FILIP1L: variants seen among roughly 807,000 people sequenced by gnomAD.
FILIP1L encodes filamin A-interacting protein 1-like.
FILIP1L carries 55 observed loss-of-function variants against 96.6 expected under a neutral mutation model. The observed-to-expected ratio is 0.57, with a 90% confidence interval of 0.46 to 0.71. The LOEUF is 0.71. FILIP1L is among the 30% of genes least tolerant of loss of function. The pLI is 0.00. For synonymous variants in FILIP1L, 467 were observed against 473.9 expected (o/e 0.99, Z 0.19); for missense variants, 1,304 against 1,321.2 (o/e 0.99, Z 0.20).
intron 1 of FILIP1L, among the ~76,000 whole-genome samples, chr3:100,042,813 G>A (rs997645560): frequency 7.2e-5 from 11 of 152,236 alleles, no homozygotes; most frequent in African/African-American, 2.6e-4. Context: ...CCTAACAATC[G>A]AGTACTTCTT....
intron 4 of FILIP1L, among the ~76,000 whole-genome samples, chr3:99,857,440 C>T (rs1483299700): frequency 2.0e-5 from 3 of 152,198 alleles, no homozygotes; most frequent in African/African-American, 7.2e-5. Flanking sequence ...CCATCAGTCT[C>T]CTTTGGCTTT....
chr3:100,064,611 A>G (rs945932792), intron 1 of FILIP1L, among the ~76,000 whole-genome samples: 1 of 152,230 alleles, frequency 6.6e-6, no homozygotes, highest in Admixed American at 6.5e-5. Flanking sequence ...GCCCTGGAGC[A>G]GAGGAAGGGA....
intron 1 of FILIP1L, among the ~76,000 whole-genome samples, chr3:100,052,285 C>T (rs941195122): frequency 1.1e-4 from 16 of 152,096 alleles, no homozygotes; most frequent in African/African-American, 2.2e-4. Flanking sequence ...AGTCCAGAAA[C>T]GAATAAAAAA....
intron 5 of FILIP1L, 137 bp from the exon 6 acceptor site, chr3:99,830,742 C>T (rs1220261420): frequency 2.6e-6 from 1 of 378,816 alleles, no homozygotes; most frequent in Non-Finnish European, 5.3e-6. Context: ...GATCAAAGAT[C>T]GTCAGGTTGA....
intron 1 of FILIP1L, among the ~76,000 whole-genome samples, chr3:99,986,543 G>A (rs1004727114): frequency 6.6e-6 from 1 of 152,084 alleles, no homozygotes; most frequent in Non-Finnish European, 1.5e-5. Flanking sequence ...GAGGTTGGTA[G>A]GTATATTTTT....
intron 4 of FILIP1L, among the ~76,000 whole-genome samples, chr3:99,884,428 T>G (rs1705828321): frequency 1.3e-5 from 2 of 152,198 alleles, no homozygotes; most frequent in Non-Finnish European, 2.9e-5. Flanking sequence ...ATGACATTGA[T>G]TTAAGTTTCA....
intron 1 of FILIP1L, among the ~76,000 whole-genome samples, chr3:100,065,401 G>C (rs1241598275): frequency 6.6e-6 from 1 of 152,178 alleles, no homozygotes; most frequent in Non-Finnish European, 1.5e-5. Flanking sequence ...GAGGAATAAA[G>C]TAACTTTGCC....
chr3:99,931,163 C>T, intron 1 of FILIP1L, 133 bp from the exon 2 acceptor site: 2 of 701,216 alleles, frequency 2.9e-6, no homozygotes, highest in Non-Finnish European at 2.4e-6. Context: ...TTGATGTCTA[C>T]AGCAGAGAAG....
In FILIP1L at chr3:100,065,117, A is replaced by G. The variant is rs145625355; in HGVS notation, c.-11+48936T>C. Among the ~76,000 whole-genome samples, 193 of 152,298 alleles carry G rather than the reference A, an allele frequency of 1.3e-3. 1 individual carries two copies. The highest frequency in any genetic ancestry group is 2.0e-3 in the Admixed American group (31 of 15,294). On this transcript the variant is annotated intron_variant, in intron 1 of 5. Coordinates refer to ENST00000477258, the MANE Select transcript of FILIP1L (RefSeq NM_001387850.1). ...TGAATTATAAGACAGTATGGAATGT[A>G]TATATAATTAATATATACACTGGGC... is the stretch of plus-strand genomic sequence containing the variant.
chr3:100,040,290 ACTCC>A lies in FILIP1L; in HGVS notation c.-11+73759_-11+73762del, dbSNP rs2065181963. 2.0e-5 allele frequency: 3 copies of A among 151,950 alleles called. No individual in the cohort carries two copies. The South Asian group carries it at 6.2e-4, about 32-fold the overall frequency. The allele number at this position is 151,950 out of a possible 1,614,324, so 9.4% of individuals were successfully genotyped here. A position where few individuals can be genotyped will look rare whatever the true frequency, so the allele number is the denominator to read the frequency against. On this transcript the variant is annotated intron_variant, in intron 1 of 5. Coordinates refer to ENST00000477258, the MANE Select transcript of FILIP1L (RefSeq NM_001387850.1). ...ATTTCATTTGCATAATTCTCATCTA[ACTCC>A]CTCTTTTAAAAAAAGTATTAATTAT...
At chr3:100,017,143 C>G (rs993305011) in intron 1 of FILIP1L, among the ~76,000 whole-genome samples, 1 of 152,090 alleles carries the variant, frequency 6.6e-6, no homozygotes, top group Non-Finnish European at 1.5e-5. Context: ...TGTTTGTCAT[C>G]AAAAATCAGA....
chr3:99,985,739 C>T (rs1709320671), intron 1 of FILIP1L, among the ~76,000 whole-genome samples: 1 of 152,082 alleles, frequency 6.6e-6, no homozygotes, highest in African/African-American at 2.4e-5. Flanking sequence ...CAGGCACCTG[C>T]TACCATGCCC....
chr3:99,832,397 A>C (rs2107486494), intron 5 of FILIP1L, among the ~76,000 whole-genome samples: 1 of 150,390 alleles, frequency 6.6e-6, no homozygotes, highest in South Asian at 2.1e-4. Context: ...CGCCCGGCTA[A>C]TTTTTTGTAT....
chr3:100,062,301 C>T (rs927783302), intron 1 of FILIP1L, among the ~76,000 whole-genome samples: 2 of 151,396 alleles, frequency 1.3e-5, no homozygotes, highest in Non-Finnish European at 2.9e-5. Context: ...TTAGTGGAGA[C>T]GAGGTTTCAC....
chr3:100,040,598 C>T (rs570356223), intron 1 of FILIP1L: 1 of 152,312 alleles, frequency 6.6e-6, no homozygotes, highest in African/African-American at 2.4e-5. Flanking sequence ...CTGAACAGGC[C>T]CTTATATATG....
At chr3:100,047,751 G>A (rs1283611055) in intron 1 of FILIP1L, among the ~76,000 whole-genome samples, 1 of 152,040 alleles carries the variant, frequency 6.6e-6, no homozygotes, top group Non-Finnish European at 1.5e-5. Flanking sequence ...ACCTCTCTTA[G>A]CCTCTGCTTC....
chr3:99,898,121 GC>G (rs1706318690), intron 4 of FILIP1L: 1 of 152,052 alleles, frequency 6.6e-6, no homozygotes, highest in Non-Finnish European at 1.5e-5. Flanking sequence ...TCAAAAGCAG[GC>G]AGGCTTGGTT....
chr3:100,003,225 A>G (rs1315098339), intron 1 of FILIP1L, among the ~76,000 whole-genome samples: 1 of 152,206 alleles, frequency 6.6e-6, no homozygotes, highest in Non-Finnish European at 1.5e-5. Context: ...CTTCATACCA[A>G]TGACCATGTG....
chr3:100,086,337 C>A (rs920425959), intron 1 of FILIP1L, among the ~76,000 whole-genome samples: 2 of 152,150 alleles, frequency 1.3e-5, no homozygotes, highest in Non-Finnish European at 2.9e-5. Flanking sequence ...ACATCAATAT[C>A]ATTGATTATA....
Sources: allele counts gnomAD v4.1 joint callset (sites outside exome capture counted in the v4.1 genomes callset), GRCh38; gene constraint gnomAD v4.1.1; transcripts MANE v1.5; gene names NCBI Gene and HGNC (gene_info 2026-07-23, HGNC 2026-07-21).